Variants in SAMD12 observed in about 807,000 individuals in gnomAD.
SAMD12 encodes the protein sterile alpha motif domain-containing protein 12.
SAMD12 carries 9 observed loss-of-function variants against 15.0 expected under a neutral mutation model. The observed-to-expected ratio is 0.60, with a 90% CI of 0.36 to 1.05. The LOEUF (loss-of-function observed/expected upper bound fraction) is 1.05, where lower values mean the gene tolerates loss of function less well. Among genes scored for constraint, SAMD12 ranks in the 50% least tolerant of loss-of-function variants. SAMD12 has a pLI of 0.01. For missense variants in SAMD12, 230 were observed against 234.2 expected, an observed-to-expected ratio of 0.98 and a Z score of 0.12; for synonymous variants, 86 against 90.1, an observed-to-expected ratio of 0.96 and a Z score of 0.25.
At chr8:118,132,656 C>T in the SAMD12 span, among the ~76,000 whole-genome samples, 1 of 151,934 alleles carries the variant, frequency 6.6e-6, no homozygotes, top group Non-Finnish European at 1.5e-5. Context: ...AATTATAAAC[C>T]GCAAATTCAA....
chr8:118,422,443 G>C (rs1182686158), intron 3 of SAMD12, among the ~76,000 whole-genome samples: 1 of 148,438 alleles, frequency 6.7e-6, no homozygotes, highest in Non-Finnish European at 1.5e-5. Context: ...AGGGTAGGGA[G>C]GAGGGGAATA....
intron 4 of SAMD12, among the ~76,000 whole-genome samples, chr8:118,198,192 T>C (rs1321993211): frequency 6.6e-6 from 1 of 152,128 alleles, no homozygotes; most frequent in Non-Finnish European, 1.5e-5. Context: ...AAAAAAAATA[T>C]TGGAAGCGGA....
intron 4 of SAMD12, among the ~76,000 whole-genome samples, chr8:118,245,277 G>C (rs562425036): frequency 3.9e-5 from 6 of 152,242 alleles, no homozygotes; most frequent in African/African-American, 1.4e-4. Context: ...ACTGAGGTCA[G>C]AGCAGTTTTC....
At chr8:118,132,964 GT>G in the SAMD12 span, among the ~76,000 whole-genome samples, 4 of 20,564 alleles carry the variant, frequency 1.9e-4, no homozygotes, top group East Asian at 9.9e-4. Flanking sequence ...TAACATATGT[GT>G]GTGTGTGTAT....
intron 2 of SAMD12, among the ~76,000 whole-genome samples, chr8:118,568,734 T>C (rs17756861): frequency 0.23 from 35,283 of 152,102 alleles, 4,184 homozygotes; most frequent in Middle Eastern, 0.33. Context: ...CAGTTATTAT[T>C]GGAGAGGAGG....
chr8:118,495,947 G>A (rs925466025), intron 2 of SAMD12, among the ~76,000 whole-genome samples: 2 of 152,018 alleles, frequency 1.3e-5, no homozygotes, highest in East Asian at 1.9e-4. Flanking sequence ...AATCAAGATC[G>A]CAATCCCACT....
At chr8:118,217,186 T>A (rs1351655248) in intron 4 of SAMD12, among the ~76,000 whole-genome samples, 1 of 152,206 alleles carries the variant, frequency 6.6e-6, no homozygotes, top group Non-Finnish European at 1.5e-5. Context: ...GTATTTTTAG[T>A]AGAGACAGGG....
downstream of SAMD12, among the ~76,000 whole-genome samples, chr8:118,374,232 T>C (rs1819261582): frequency 6.6e-6 from 1 of 152,182 alleles, no homozygotes; most frequent in Non-Finnish European, 1.5e-5. Context: ...AGTAGAATCA[T>C]GCATTATTTG....
At chr8:118,217,300 G>C (rs2451129) in intron 4 of SAMD12, among the ~76,000 whole-genome samples, 75,981 of 152,048 alleles carry the variant, frequency 0.5, 20,798 homozygotes, top group Middle Eastern at 0.63. Context: ...CTGCGCCCGG[G>C]CCTGGTCTCT....
At chr8:118,218,061 C>T (rs905315499) in intron 4 of SAMD12, among the ~76,000 whole-genome samples, 3 of 152,122 alleles carry the variant, frequency 2.0e-5, no homozygotes. Context: ...GCTCACAGCC[C>T]AAGTTCTGCA....
chr8:118,368,529 C>T (rs1818917306), intron 4 of SAMD12, among the ~76,000 whole-genome samples: 1 of 152,064 alleles, frequency 6.6e-6, no homozygotes, highest in South Asian at 2.1e-4. Flanking sequence ...ATTGTCTTTA[C>T]TTGATGGGTC....
At chr8:118,371,246 G>A (rs780235670) in intron 4 of SAMD12, among the ~76,000 whole-genome samples, 1 of 152,166 alleles carries the variant, frequency 6.6e-6, no homozygotes, top group Non-Finnish European at 1.5e-5. Flanking sequence ...ACCATTCAAT[G>A]TTTTAAGGAT....
intron 3 of SAMD12, among the ~76,000 whole-genome samples, chr8:118,431,871 A>C (rs972140423): frequency 6.6e-6 from 1 of 152,122 alleles, no homozygotes; most frequent in African/African-American, 2.4e-5. Context: ...CTGATATTCT[A>C]GTAATGCATA....
At chr8:118,315,175 G>A (rs1278690523) in intron 4 of SAMD12, among the ~76,000 whole-genome samples, 1 of 152,088 alleles carries the variant, frequency 6.6e-6, no homozygotes. Context: ...TGGAACCACT[G>A]CCATTTGCTT....
chr8:118,416,780 T>C (rs958727384), intron 3 of SAMD12, among the ~76,000 whole-genome samples: 1 of 152,332 alleles, frequency 6.6e-6, no homozygotes, highest in East Asian at 1.9e-4. Context: ...CTTCAATCCT[T>C]AGCATCTATA....
the SAMD12 span, among the ~76,000 whole-genome samples, chr8:118,176,214 T>C: frequency 4.6e-5 from 7 of 152,110 alleles, no homozygotes; most frequent in Non-Finnish European, 8.8e-5. Flanking sequence ...GGCAGGAGAA[T>C]TGCTTGAACC....
intron 4 of SAMD12, among the ~76,000 whole-genome samples, chr8:118,264,818 T>G (rs1813161356): frequency 6.6e-6 from 1 of 152,102 alleles, no homozygotes; most frequent in Non-Finnish European, 1.5e-5. Flanking sequence ...TGAGACATGA[T>G]TGTCCTTTAT....
chr8:118,495,805 C>T (rs79561313), intron 2 of SAMD12, among the ~76,000 whole-genome samples: 4,713 of 152,058 alleles, frequency 0.031, 252 homozygotes, highest in African/African-American at 0.11. Context: ...TAAATGTTGG[C>T]TAATGTGTTA....
At chr8:118,347,448 A>G (rs998386223) in intron 4 of SAMD12, among the ~76,000 whole-genome samples, 1 of 152,198 alleles carries the variant, frequency 6.6e-6, no homozygotes, top group Admixed American at 6.5e-5. Flanking sequence ...TAAGGAAAAC[A>G]ATCTAAGGCC....
Sources: allele counts gnomAD v4.1 joint callset (sites outside exome capture counted in the v4.1 genomes callset), GRCh38; gene constraint gnomAD v4.1.1; transcripts MANE v1.5; gene names NCBI Gene and HGNC (gene_info 2026-07-23, HGNC 2026-07-21).